The following DNAJC1 variants were observed in gnomAD, a reference collection of about 807,000 sequenced individuals.
The protein encoded by DNAJC1 is DnaJ heat shock protein family (Hsp40) member C1, also known as dnaJ homolog subfamily C member 1.
In DNAJC1, 58 loss-of-function variants were observed where a neutral mutation model predicts 76.6. That is an observed-to-expected ratio of 0.76 (90% confidence interval 0.61 to 0.94). DNAJC1 has a LOEUF of 0.94. DNAJC1 is among the 40% of genes least tolerant of loss of function. The probability of loss-of-function intolerance (pLI) is 0.00; values close to 1 mark genes in which losing one functional copy is unlikely to be tolerated. For missense variants in DNAJC1, 689 were observed against 677.3 expected (o/e 1.02, Z -0.19); for synonymous variants, 258 against 267.9 (o/e 0.96, Z 0.36).
At chr10:21,940,344 A>T (rs994748389) in intron 1 of DNAJC1, among the ~76,000 whole-genome samples, 1 of 152,202 alleles carries the variant, frequency 6.6e-6, no homozygotes, top group Non-Finnish European at 1.5e-5. Flanking sequence ...TCACTGTTAA[A>T]GTCAACTGCC....
chr10:21,985,469 G>A (rs1029092332), intron 1 of DNAJC1, among the ~76,000 whole-genome samples: 1 of 151,964 alleles, frequency 6.6e-6, no homozygotes, highest in Non-Finnish European at 1.5e-5. Context: ...GGCTGATCCC[G>A]AACTCCTGAC....
intron 8 of DNAJC1, among the ~76,000 whole-genome samples, chr10:21,869,668 G>A (rs1752617119): frequency 1.3e-5 from 2 of 152,192 alleles, no homozygotes; most frequent in South Asian, 4.1e-4. Flanking sequence ...CAACAGGTGT[G>A]ATTATTAAGG....
chr10:21,991,277 T>C (rs1203824416), intron 1 of DNAJC1, among the ~76,000 whole-genome samples: 1 of 152,152 alleles, frequency 6.6e-6, no homozygotes, highest in Non-Finnish European at 1.5e-5. Flanking sequence ...CCTAATATAC[T>C]GTTAATAAAT....
chr10:21,841,399 T>G (rs1466382299), intron 8 of DNAJC1, among the ~76,000 whole-genome samples: 5 of 151,772 alleles, frequency 3.3e-5, no homozygotes, highest in Admixed American at 6.6e-5. Context: ...TCAAACAAAT[T>G]TACAAGAAAA....
chr10:21,961,366 T>C (rs1251858126), intron 1 of DNAJC1, among the ~76,000 whole-genome samples: 1 of 152,204 alleles, frequency 6.6e-6, no homozygotes, highest in Non-Finnish European at 1.5e-5. Context: ...ATGCAGTATA[T>C]ACATACAATG....
At chr10:21,874,168 C>A (rs1836147783) in intron 8 of DNAJC1, among the ~76,000 whole-genome samples, 1 of 152,176 alleles carries the variant, frequency 6.6e-6, no homozygotes, top group African/African-American at 2.4e-5. Flanking sequence ...GTAATCCCAG[C>A]AATTTGGGAG....
intron 8 of DNAJC1, among the ~76,000 whole-genome samples, chr10:21,836,173 G>A (rs907869198): frequency 1.3e-5 from 2 of 152,102 alleles, no homozygotes; most frequent in African/African-American, 2.4e-5. Context: ...GCCAATATTC[G>A]ACATTCTTAA....
intron 8 of DNAJC1, among the ~76,000 whole-genome samples, chr10:21,819,350 G>A (rs764789346): frequency 3.3e-5 from 5 of 151,824 alleles, no homozygotes; most frequent in African/African-American, 9.7e-5. Context: ...GCAGTGAGCC[G>A]AGATCACGCC....
chr10:21,896,590 G>C (rs1836547713), intron 7 of DNAJC1, among the ~76,000 whole-genome samples: 1 of 152,126 alleles, frequency 6.6e-6, no homozygotes, highest in Non-Finnish European at 1.5e-5. Flanking sequence ...TACACCTTGA[G>C]TCTCACCCAT....
At chr10:21,929,246 C>T in intron 1 of DNAJC1, 105 bp from the exon 2 acceptor site, 3 of 703,402 alleles carry the variant, frequency 4.3e-6, no homozygotes, top group South Asian at 1.7e-5. Flanking sequence ...AAGTGCAGGA[C>T]CCCAGGCAAT....
intron 8 of DNAJC1, among the ~76,000 whole-genome samples, chr10:21,857,357 GA>G (rs1161180467): frequency 1.3e-5 from 2 of 151,640 alleles, no homozygotes. Context: ...AGATAAATGT[GA>G]AACTAAGCAG....
chr10:21,877,983 A>AAAGGTAT (rs1329501786), intron 8 of DNAJC1, among the ~76,000 whole-genome samples: 1 of 152,254 alleles, frequency 6.6e-6, no homozygotes, highest in Non-Finnish European at 1.5e-5. Flanking sequence ...CCTTTATAGT[A>AAAGGTAT]ATGTACTGTA....
At chr10:21,823,775 TGAAGAAA>T (rs1835197675) in intron 8 of DNAJC1, among the ~76,000 whole-genome samples, 1 of 151,834 alleles carries the variant, frequency 6.6e-6, no homozygotes, top group Non-Finnish European at 1.5e-5. Flanking sequence ...CCACAATGTT[TGAAGAAA>T]GTTTATGAGT....
intron 8 of DNAJC1, among the ~76,000 whole-genome samples, chr10:21,867,521 T>A (rs1836021345): frequency 6.6e-6 from 1 of 152,000 alleles, no homozygotes. Context: ...TACAAGGTGA[T>A]CGCGGGAGAA....
chr10:21,966,721 T>C (rs1837896349), intron 1 of DNAJC1, among the ~76,000 whole-genome samples: 1 of 150,942 alleles, frequency 6.6e-6, no homozygotes, highest in Non-Finnish European at 1.5e-5. Context: ...GTTTTACACT[T>C]GTTGCCCAGG....
chr10:21,861,173 T>G (rs1286724370), intron 8 of DNAJC1, among the ~76,000 whole-genome samples: 1 of 152,130 alleles, frequency 6.6e-6, no homozygotes, highest in East Asian at 1.9e-4. Flanking sequence ...AGGTAAAGAT[T>G]CTAAGCCCAT....
At position 21,896,029 on chromosome 10, in the gene DNAJC1, T is replaced by A. The variant is rs187639404; in HGVS notation, c.820+8493A>T. 2.2e-3 allele frequency among the ~76,000 whole-genome samples: 335 copies of A among 152,234 alleles called. 3 individuals are homozygous for A. Among genetic ancestry groups the A allele is most frequent in the African/African-American group, 7.7e-3 (319 of 41,536 alleles). On this transcript the variant is annotated intron_variant, in intron 7 of 11. Transcript: ENST00000376980. ...TAACTCTGCAGGTGCACAGAGTACG[T>A]GAGTTGTGGAGACATGTCTACCTAG...
At position 21,756,684 on chromosome 10, in the gene DNAJC1, T is replaced by C. The variant is rs555308160; in HGVS notation, c.*3A>G. ...TGAAGGTGAACATCATCTCCCAGAA[T>C]ATTCAGCTTTTAGCTTGTTTTTTCT... On this transcript the variant is annotated 3_prime_UTR_variant, in exon 12 of 12. Coordinates refer to ENST00000376980, the MANE Select transcript of DNAJC1 (RefSeq NM_022365.4). 8 of 1,608,786 alleles carry C rather than the reference T, an allele frequency of 5.0e-6. No individual in the cohort carries two copies. The highest frequency in any genetic ancestry group is 1.7e-4 in the Middle Eastern group (1 of 6,056).
chr10:21,885,404 C>T (rs1483080637), intron 7 of DNAJC1, among the ~76,000 whole-genome samples: 3 of 152,266 alleles, frequency 2.0e-5, no homozygotes, highest in African/African-American at 7.2e-5. Context: ...GACTTCAACA[C>T]TCCATTGACA....
Sources: gnomAD v4.1 joint callset for allele counts (sites outside exome capture counted in the v4.1 genomes callset) on GRCh38, gnomAD v4.1.1 for gene constraint, MANE v1.5 for transcripts, NCBI Gene and HGNC (gene_info 2026-07-23, HGNC 2026-07-21) for gene names.